Variants in PCDH9 observed in about 807,000 individuals in gnomAD.
The protein encoded by PCDH9 is protocadherin-9.
PCDH9 carries 24 observed loss-of-function variants against 70.6 expected under a neutral mutation model. The observed-to-expected ratio is 0.34, with a 90% CI of 0.25 to 0.48. The LOEUF (loss-of-function observed/expected upper bound fraction) is 0.48. Ranked by LOEUF, PCDH9 falls within the 20% of genes least tolerant of loss-of-function variation. The pLI is 0.99. For missense variants in PCDH9, 1,281 were observed against 1,503.6 expected, an observed-to-expected ratio of 0.85 and a Z score of 2.45; for synonymous variants, 562 against 558.5, an observed-to-expected ratio of 1.01 and a Z score of -0.09.
At chr13:66,314,698 G>A (rs1326464458) in intron 4 of PCDH9, among the ~76,000 whole-genome samples, 7 of 152,172 alleles carry the variant, frequency 4.6e-5, no homozygotes, top group South Asian at 2.1e-4. Context: ...TGAATTTACC[G>A]TTCTTGTATA....
intron 2 of PCDH9, among the ~76,000 whole-genome samples, chr13:67,008,319 T>C (rs895019945): frequency 2.0e-5 from 3 of 152,272 alleles, no homozygotes; most frequent in Admixed American, 6.5e-5. Flanking sequence ...TGTATCACAT[T>C]TCTTTTCTAT....
chr13:67,119,000 A>G (rs1043967855), intron 2 of PCDH9, among the ~76,000 whole-genome samples: 1 of 152,192 alleles, frequency 6.6e-6, no homozygotes, highest in Admixed American at 6.5e-5. Context: ...TCTTTGCAGT[A>G]GCAGGTGGTT....
rs544977578 is a variant in PCDH9, at chr13:67,106,950, G to A, written c.3036+118455C>T. Among the ~76,000 whole-genome samples, 18 of 152,332 alleles carry A rather than the reference G, an allele frequency of 1.2e-4. No homozygotes were observed. In the South Asian group the frequency reaches 3.3e-3, roughly 28 times the overall value. On this transcript the variant is annotated intron_variant, in intron 2 of 4. Coordinates refer to ENST00000377865, the MANE Select transcript of PCDH9 (RefSeq NM_203487.3). ...CCCCCTGTGTAATTTGGGTGCCGAGGAGCAAGGCCAAGGTGGGGCTGAGGA... is the reference window on the plus strand; with the variant it reads ...CCCCCTGTGTAATTTGGGTGCCGAGAAGCAAGGCCAAGGTGGGGCTGAGGA...
intron 2 of PCDH9, among the ~76,000 whole-genome samples, chr13:67,061,087 G>A (rs962356190): frequency 6.6e-6 from 1 of 152,056 alleles, no homozygotes; most frequent in Non-Finnish European, 1.5e-5. Context: ...GATGATGTCA[G>A]ATGAAATATG....
rs1392066410 is a variant in PCDH9 at position 67,087,241 on chromosome 13, A to G, written c.3036+138164T>C. Among the ~76,000 whole-genome samples the G allele has an allele frequency of 2.6e-5, 4 of 152,144 alleles. No individual in the cohort carries two copies. In the East Asian group the frequency reaches 7.7e-4, roughly 29 times the overall value. ...ACCTGGACAGCCTGTATTTCAAAGA[A>G]GGGGCTTAACTGTTCCCTCAAGAAG... On this transcript the variant is annotated intron_variant, in intron 2 of 4. Coordinates refer to ENST00000377865, the MANE Select transcript of PCDH9 (RefSeq NM_203487.3).
intron 3 of PCDH9, among the ~76,000 whole-genome samples, chr13:66,724,633 T>A (rs1317890037): frequency 6.6e-6 from 1 of 152,090 alleles, no homozygotes; most frequent in Non-Finnish European, 1.5e-5. Flanking sequence ...CAACAAATCC[T>A]CCTTATTTTG....
intron 3 of PCDH9, among the ~76,000 whole-genome samples, chr13:66,744,392 G>T (rs2079324371): frequency 6.6e-6 from 1 of 152,212 alleles, no homozygotes; most frequent in Middle Eastern, 3.4e-3. Context: ...TGAAGTAAAG[G>T]TTATCAGTGT....
chr13:66,753,887 G>T (rs765991286), intron 3 of PCDH9, among the ~76,000 whole-genome samples: 22 of 152,090 alleles, frequency 1.4e-4, no homozygotes, highest in African/African-American at 2.4e-4. Flanking sequence ...AATAAATATT[G>T]TGAACACAAA....
intron 3 of PCDH9, among the ~76,000 whole-genome samples, chr13:66,840,586 G>C (rs1263445738): frequency 2.0e-5 from 3 of 152,150 alleles, no homozygotes; most frequent in Non-Finnish European, 2.9e-5. Context: ...ATAACTACCA[G>C]AATTTTATAT....
chr13:67,111,338 T>G (rs895299674), intron 2 of PCDH9, among the ~76,000 whole-genome samples: 2 of 152,150 alleles, frequency 1.3e-5, no homozygotes, highest in Non-Finnish European at 2.9e-5. Flanking sequence ...TATCTTATTC[T>G]TTTAGCCAAG....
intron 3 of PCDH9, among the ~76,000 whole-genome samples, chr13:66,870,395 A>G (rs1480567797): frequency 1.3e-5 from 2 of 152,056 alleles, no homozygotes; most frequent in Admixed American, 1.3e-4. Context: ...ATGGGATCTA[A>G]TTAAACTAAA....
chr13:66,462,995 C>A (rs1412129136), intron 4 of PCDH9, among the ~76,000 whole-genome samples: 1 of 151,614 alleles, frequency 6.6e-6, no homozygotes, highest in African/African-American at 2.4e-5. Flanking sequence ...ACAAGCTAGC[C>A]CAATAAAATG....
intron 3 of PCDH9, among the ~76,000 whole-genome samples, chr13:66,683,665 T>C (rs187041900): frequency 3.3e-5 from 5 of 152,238 alleles, no homozygotes; most frequent in Admixed American, 2.6e-4. Flanking sequence ...AAGGAAAAAA[T>C]ATAGGGTTTT....
chr13:67,084,076 C>A (rs1405192536), intron 2 of PCDH9, among the ~76,000 whole-genome samples: 5 of 152,042 alleles, frequency 3.3e-5, no homozygotes, highest in Non-Finnish European at 7.4e-5. Flanking sequence ...CACTAGCTTG[C>A]CCTGAGAAGT....
intron 4 of PCDH9, among the ~76,000 whole-genome samples, chr13:66,410,952 G>A (rs1472254068): frequency 6.6e-6 from 1 of 152,126 alleles, no homozygotes; most frequent in South Asian, 2.1e-4. Context: ...TAAAACCTAA[G>A]TGCTGACAGA....
At chr13:66,430,925 A>G (rs957636043) in intron 4 of PCDH9, among the ~76,000 whole-genome samples, 10 of 152,082 alleles carry the variant, frequency 6.6e-5, no homozygotes, top group African/African-American at 2.2e-4. Flanking sequence ...TACATGCAGC[A>G]ATTCATACAT....
At chr13:66,415,419 A>G (rs1386265947) in intron 4 of PCDH9, among the ~76,000 whole-genome samples, 2 of 152,180 alleles carry the variant, frequency 1.3e-5, no homozygotes, top group Non-Finnish European at 2.9e-5. Context: ...ACTTGTGTCT[A>G]TATCATCATA....
chr13:66,736,709 T>G (rs2079154365), intron 3 of PCDH9, among the ~76,000 whole-genome samples: 1 of 152,206 alleles, frequency 6.6e-6, no homozygotes, highest in Non-Finnish European at 1.5e-5. Flanking sequence ...AGCATGGATT[T>G]CATAATATGA....
chr13:66,343,029 C>G (rs1956158106), intron 4 of PCDH9, among the ~76,000 whole-genome samples: 1 of 151,940 alleles, frequency 6.6e-6, no homozygotes, highest in Non-Finnish European at 1.5e-5. Context: ...TTTCCACTCC[C>G]CAAATAAACA....
Sources: gnomAD v4.1 joint callset for allele counts (sites outside exome capture counted in the v4.1 genomes callset) on GRCh38, gnomAD v4.1.1 for gene constraint, MANE v1.5 for transcripts, NCBI Gene and HGNC (gene_info 2026-07-23, HGNC 2026-07-21) for gene names.